MDGA2: variants seen among roughly 807,000 people sequenced by gnomAD.
MDGA2 encodes MAM domain containing glycosylphosphatidylinositol anchor 2.
MDGA2 carries 40 observed loss-of-function variants against 117.8 expected under a neutral mutation model. The observed-to-expected ratio is 0.34, with a 90% CI of 0.26 to 0.44. The LOEUF (loss-of-function observed/expected upper bound fraction) is 0.44, where lower values mean the gene tolerates loss of function less well. Among genes scored for constraint, MDGA2 ranks in the 20% least tolerant of loss-of-function variants. MDGA2 has a pLI of 1.00. For missense variants in MDGA2, 1,123 were observed against 1,250.6 expected, an observed-to-expected ratio of 0.90 and a Z score of 1.54; for synonymous variants, 452 against 439.0, an observed-to-expected ratio of 1.03 and a Z score of -0.37.
At chr14:47,000,371 A>G (rs1474743005) in intron 8 of MDGA2, among the ~76,000 whole-genome samples, 3 of 90,396 alleles carry the variant, frequency 3.3e-5, no homozygotes, top group Non-Finnish European at 6.0e-5. Context: ...ATATGTATAT[A>G]TATATTTATA....
At chr14:47,551,519 G>C (rs2138778614) in intron 1 of MDGA2, among the ~76,000 whole-genome samples, 1 of 152,156 alleles carries the variant, frequency 6.6e-6, no homozygotes. Flanking sequence ...TTTAAATAAA[G>C]GATGTCCATG....
chr14:47,417,929 G>C (rs1052241216), intron 1 of MDGA2, among the ~76,000 whole-genome samples: 4 of 151,974 alleles, frequency 2.6e-5, no homozygotes, highest in African/African-American at 9.7e-5. Flanking sequence ...GCCCAGGCTG[G>C]CCTCAAACTC....
chr14:47,364,061 C>A (rs1374848681), intron 1 of MDGA2, among the ~76,000 whole-genome samples: 1 of 151,898 alleles, frequency 6.6e-6, no homozygotes, highest in Non-Finnish European at 1.5e-5. Context: ...CACCAAATTA[C>A]ATGATTATAG....
chr14:47,256,765 GTAATTTAATTAAAAT>G (rs1887633364), intron 2 of MDGA2, among the ~76,000 whole-genome samples: 1 of 151,652 alleles, frequency 6.6e-6, no homozygotes, highest in East Asian at 1.9e-4. Context: ...TCATAAAATG[GTAATTTAATTAAAAT>G]TAGAGCCAGA....
At chr14:47,014,089 C>T (rs1887998222) in intron 8 of MDGA2, among the ~76,000 whole-genome samples, 1 of 151,948 alleles carries the variant, frequency 6.6e-6, no homozygotes, top group African/African-American at 2.4e-5. Flanking sequence ...GCCACTGCCC[C>T]CGGCCCTCCT....
chr14:47,252,607 AC>A (rs765708712), intron 2 of MDGA2, among the ~76,000 whole-genome samples: 7 of 152,202 alleles, frequency 4.6e-5, no homozygotes, highest in Admixed American at 2.6e-4. Context: ...CTGACATTAT[AC>A]CATTTTGGTG....
intron 8 of MDGA2, among the ~76,000 whole-genome samples, chr14:46,959,295 GTGTGTGT>G (rs1335288426): frequency 8.6e-6 from 1 of 116,954 alleles, no homozygotes; most frequent in African/African-American, 4.2e-5. Flanking sequence ...GTGTGTGTGT[GTGTGTGT>G]GGATACATAC....
chr14:47,042,189 T>C (rs766692548), intron 7 of MDGA2, among the ~76,000 whole-genome samples: 35 of 152,034 alleles, frequency 2.3e-4, no homozygotes, highest in Non-Finnish European at 4.9e-4. Flanking sequence ...TTTATGAAAG[T>C]TACCCTTAGA....
In MDGA2 at chr14:47,301,600, T is replaced by C. The variant is rs1458021013; in HGVS notation, c.281-50A>G. ...CAAGATACATGAAAAGGTAAGTCAG[T>C]GATCTTCTCATGAACCATCTTGACT... On this transcript the variant is annotated intron_variant, in intron 1 of 16. Transcript: ENST00000399232. 3.2e-6 allele frequency: 5 copies of C among 1,543,002 alleles called. No individual in the cohort carries two copies. The South Asian group carries it at 6.0e-5, about 18-fold the overall frequency.
At chr14:47,299,877 T>C (rs1889216458) in intron 2 of MDGA2, among the ~76,000 whole-genome samples, 1 of 152,234 alleles carries the variant, frequency 6.6e-6, no homozygotes, top group Non-Finnish European at 1.5e-5. Context: ...GCAAATGTTA[T>C]ACTTTGAAAT....
intron 5 of MDGA2, among the ~76,000 whole-genome samples, chr14:47,128,974 C>A (rs548485295): frequency 6.6e-6 from 1 of 152,212 alleles, no homozygotes; most frequent in South Asian, 2.1e-4. Flanking sequence ...CAGGAGTGAG[C>A]CACCGTGCCC....
chr14:47,625,264 A>G (rs1897120746), intron 1 of MDGA2, among the ~76,000 whole-genome samples: 1 of 152,154 alleles, frequency 6.6e-6, no homozygotes, highest in Admixed American at 6.5e-5. Context: ...GCAGTGAGAG[A>G]AATGATAAAG....
intron 1 of MDGA2, among the ~76,000 whole-genome samples, chr14:47,392,367 G>C (rs1041327452): frequency 1.3e-5 from 2 of 152,018 alleles, no homozygotes; most frequent in African/African-American, 2.4e-5. Context: ...ATCTAGTTTT[G>C]CTGATGTCTC....
chr14:47,177,920 G>A (rs543326436), intron 3 of MDGA2, among the ~76,000 whole-genome samples: 1 of 151,944 alleles, frequency 6.6e-6, no homozygotes, highest in South Asian at 2.1e-4. Flanking sequence ...GTGAATTGTT[G>A]AGGAACAAAG....
rs183106860 is a variant in MDGA2, at chr14:47,235,695, C to T, written c.421-17500G>A. 2.0e-4 allele frequency among the ~76,000 whole-genome samples: 31 copies of T among 152,316 alleles called. 1 individual carries two copies. The highest frequency in any genetic ancestry group is 7.5e-4 in the African/African-American group (31 of 41,574). On this transcript the variant is annotated intron_variant, in intron 2 of 16. Coordinates refer to ENST00000399232, the MANE Select transcript of MDGA2 (RefSeq NM_001113498.3). The stretch of plus-strand genomic sequence containing the variant: ...GATGTGTTGTTCGTGATATGCCTTT[C>T]TTCTGCATACCAGATTATCTGGAAG...
intron 1 of MDGA2, among the ~76,000 whole-genome samples, chr14:47,610,995 C>G (rs1896837556): frequency 6.6e-6 from 1 of 151,994 alleles, no homozygotes; most frequent in African/African-American, 2.4e-5. Flanking sequence ...CAGCATGGTA[C>G]TGGTATAAAA....
At chr14:47,000,110 G>C (rs1034859652) in intron 8 of MDGA2, among the ~76,000 whole-genome samples, 6 of 150,970 alleles carry the variant, frequency 4.0e-5, no homozygotes, top group Non-Finnish European at 8.9e-5. Context: ...AAATATTATA[G>C]CTAAAAAGTT....
intron 5 of MDGA2, among the ~76,000 whole-genome samples, chr14:47,120,665 A>G (rs1881603551): frequency 6.6e-6 from 1 of 152,196 alleles, no homozygotes; most frequent in Non-Finnish European, 1.5e-5. Context: ...AATAATTGCC[A>G]CAACTGCAGA....
At chr14:47,437,031 A>G (rs1892913704) in intron 1 of MDGA2, among the ~76,000 whole-genome samples, 1 of 152,120 alleles carries the variant, frequency 6.6e-6, no homozygotes, top group African/African-American at 2.4e-5. Context: ...ACAAAAAGCT[A>G]CTTAAAGAGC....
Sources: allele counts gnomAD v4.1 joint callset (sites outside exome capture counted in the v4.1 genomes callset), GRCh38; gene constraint gnomAD v4.1.1; transcripts MANE v1.5; gene names NCBI Gene and HGNC (gene_info 2026-07-23, HGNC 2026-07-21).